The following COL4A6 variants were observed in gnomAD, a reference collection of about 807,000 sequenced individuals.
The protein encoded by COL4A6 is collagen alpha-6(IV) chain.
Under a neutral mutation model 126.7 loss-of-function variants are expected in COL4A6, and 59 were observed. The observed-to-expected ratio is 0.47, with a 90% CI of 0.38 to 0.58. The LOEUF (loss-of-function observed/expected upper bound fraction) is 0.58, where lower values mean the gene tolerates loss of function less well. Ranked by LOEUF, COL4A6 falls within the 20% of genes least tolerant of loss-of-function variation. COL4A6 has a pLI of 0.00. For missense variants in COL4A6, 1,285 were observed against 1,337.3 expected (o/e 0.96, Z 0.61); for synonymous variants, 547 against 496.6 (o/e 1.10, Z -1.35).
At chrX:108,354,309 C>T (rs189864749) in intron 2 of COL4A6, among the ~76,000 whole-genome samples, 10 of 111,869 alleles carry the variant, frequency 8.9e-5, no homozygotes, top group Non-Finnish European at 1.9e-4. Context: ...CTTCCCTCAA[C>T]AAGCATATAC....
intron 2 of COL4A6, among the ~76,000 whole-genome samples, chrX:108,341,588 G>A (rs2039565775): frequency 9.0e-6 from 1 of 110,678 alleles, no homozygotes; most frequent in Non-Finnish European, 1.9e-5. Context: ...CAGCCCCATG[G>A]AACTATGAGT....
At position 108,156,655 on chromosome X, in the gene COL4A6, G is replaced by A; in HGVS notation, c.*345C>T. On this transcript the variant is annotated 3_prime_UTR_variant, in exon 45 of 45. Transcript: ENST00000334504. ...TGAAGAAATGACTGATTAGCGATTAGGAAGAGCTTTCCGATCAAGACGGTA... is the reference window on the plus strand; with the variant it reads ...TGAAGAAATGACTGATTAGCGATTAAGAAGAGCTTTCCGATCAAGACGGTA... The A allele has an allele frequency of 3.7e-6, 1 of 271,889 alleles. No individual in the cohort carries two copies. Among genetic ancestry groups the A allele is most frequent in the African/African-American group, 2.7e-5 (1 of 37,387 alleles). 22.4% of individuals were successfully genotyped at this position (271,889 alleles called of 1,213,427 possible).
chrX:108,156,083 C>G lies in COL4A6; in HGVS notation c.*917G>C, dbSNP rs978299760. ...TGCCACATTGCACACATCTGGATGG[C>G]ATTTGGAATAAACAGGGACTTCTGA... On this transcript the variant is annotated 3_prime_UTR_variant, in exon 45 of 45. Coordinates refer to ENST00000334504, the MANE Select transcript of COL4A6 (RefSeq NM_033641.4). 1.8e-5 allele frequency: 2 copies of G among 112,299 alleles called. No homozygotes were observed. The highest frequency in any genetic ancestry group is 3.2e-5 in the African/African-American group (1 of 30,887). 9.3% of individuals were successfully genotyped at this position (112,299 alleles called of 1,213,427 possible). A position where few individuals can be genotyped will look rare whatever the true frequency, so the allele number is the denominator to read the frequency against.
At chrX:108,246,012 A>G (rs1168985037) in intron 3 of COL4A6, among the ~76,000 whole-genome samples, 2 of 111,439 alleles carry the variant, frequency 1.8e-5, no homozygotes, top group African/African-American at 3.3e-5. Context: ...CATGGCCCTG[A>G]TTACTTGGGT....
At chrX:108,330,282 A>G (rs779094928) in intron 2 of COL4A6, among the ~76,000 whole-genome samples, 4 of 111,417 alleles carry the variant, frequency 3.6e-5, no homozygotes, top group East Asian at 2.8e-4. Flanking sequence ...TACACATTCA[A>G]TTAAATTCTA....
At chrX:108,213,051 G>A (rs181616540) in intron 6 of COL4A6, among the ~76,000 whole-genome samples, 49 of 110,867 alleles carry the variant, frequency 4.4e-4, no homozygotes, top group African/African-American at 1.4e-3. Context: ...CCCACCCCCC[G>A]GCATATTGAT....
At chrX:108,224,319 A>G (rs1338597059) in intron 3 of COL4A6, among the ~76,000 whole-genome samples, 2 of 111,892 alleles carry the variant, frequency 1.8e-5, no homozygotes, top group Non-Finnish European at 3.8e-5. Flanking sequence ...CTCCTAAAGA[A>G]CTCACATATA....
intron 3 of COL4A6, among the ~76,000 whole-genome samples, chrX:108,308,291 C>T (rs1198487484): frequency 9.0e-6 from 1 of 111,519 alleles, no homozygotes; most frequent in African/African-American, 3.3e-5. Flanking sequence ...GGCATGTTTG[C>T]CTGGTGTAGG....
At chrX:108,193,718 A>G in intron 16 of COL4A6, 21 bp from the exon 17 acceptor site, 2 of 1,148,630 alleles carry the variant, frequency 1.7e-6, no homozygotes, top group Admixed American at 2.2e-5. Context: ...TAAGTACATT[A>G]AACACAAATA....
intron 2 of COL4A6, among the ~76,000 whole-genome samples, chrX:108,352,368 G>T (rs931061503): frequency 1.8e-5 from 2 of 112,555 alleles, no homozygotes; most frequent in African/African-American, 6.4e-5. Context: ...AATGTACTTT[G>T]CATGCATATT....
intron 40 of COL4A6, 106 bp from the exon 41 acceptor site, chrX:108,163,144 G>T: frequency 5.7e-6 from 4 of 704,914 alleles, no homozygotes; most frequent in Non-Finnish European, 8.4e-6. Flanking sequence ...TTTCTATCCT[G>T]TTTGTCCCCA....
At chrX:108,438,853 A>G (rs1036626220), upstream of COL4A6, among the ~76,000 whole-genome samples, 1 of 112,652 alleles carries the variant, frequency 8.9e-6, no homozygotes, top group East Asian at 2.8e-4. Context: ...AAATAGATCC[A>G]AAACCTTGAA....
At chrX:108,207,549 A>G (rs1353871357) in intron 8 of COL4A6, among the ~76,000 whole-genome samples, 1 of 111,825 alleles carries the variant, frequency 8.9e-6, no homozygotes, top group Non-Finnish European at 1.9e-5. Context: ...GATAGATAGA[A>G]GGAGGATAAA....
intron 3 of COL4A6, chrX:108,268,565 A>G (rs2037371181): frequency 8.8e-6 from 1 of 113,394 alleles, no homozygotes; most frequent in Admixed American, 9.3e-5. Flanking sequence ...ATCAGGCAAA[A>G]CAGTCATGAG....
rs1043560605 is a variant in COL4A6 at position 108,183,896 on chromosome X, G to A, written c.1952-2928C>T. On this transcript the variant is annotated intron_variant, in intron 23 of 44. Coordinates refer to ENST00000334504, the MANE Select transcript of COL4A6 (RefSeq NM_033641.4). ...ATCCCTTGTCTGAACTTAGTGGAGAGCACTTGCACCCACATGAGATCAAGC... is the reference window on the plus strand; with the variant it reads ...ATCCCTTGTCTGAACTTAGTGGAGAACACTTGCACCCACATGAGATCAAGC... The A allele has an allele frequency of 9.4e-6, 3 of 319,283 alleles. No individual in the cohort carries two copies. The Admixed American group carries it at 1.9e-4, about 20-fold the overall frequency. 26.3% of individuals were successfully genotyped at this position (319,283 alleles called of 1,213,427 possible).
chrX:108,338,224 C>A (rs150109027), intron 2 of COL4A6, among the ~76,000 whole-genome samples: 146 of 111,856 alleles, frequency 1.3e-3, no homozygotes, highest in Non-Finnish European at 2.1e-3. Context: ...TCTCTAAGCC[C>A]TTTGGATGTC....
In COL4A6 at chrX:108,267,252, G is replaced by A. The variant is rs182305577; in HGVS notation, c.144+43496C>T. 2.7e-5 allele frequency among the ~76,000 whole-genome samples: 3 copies of A among 112,178 alleles called. No homozygotes were observed. The Admixed American group carries it at 2.8e-4, about 11-fold the overall frequency. ...ACCTCCTCCACTTATAAGCACCCTT[G>A]TGATTACATTGGGACCATCCAGATG... On this transcript the variant is annotated intron_variant, in intron 3 of 44. Transcript: ENST00000334504.
intron 2 of COL4A6, among the ~76,000 whole-genome samples, chrX:108,377,111 A>G (rs1320866307): frequency 8.9e-6 from 1 of 112,690 alleles, no homozygotes; most frequent in South Asian, 3.7e-4. Context: ...TAGTGGAGAG[A>G]AGGTCAGTAA....
chrX:108,272,194 A>G (rs1443951608), intron 3 of COL4A6, among the ~76,000 whole-genome samples: 2 of 111,530 alleles, frequency 1.8e-5, no homozygotes, highest in Non-Finnish European at 3.8e-5. Context: ...GTAACAGCCT[A>G]TAAACTTCCT....
Sources: allele counts gnomAD v4.1 joint callset (sites outside exome capture counted in the v4.1 genomes callset), GRCh38; gene constraint gnomAD v4.1.1; transcripts MANE v1.5; gene names NCBI Gene and HGNC (gene_info 2026-07-23, HGNC 2026-07-21).